The following ADORA1 variants were observed in gnomAD, a reference collection of about 807,000 sequenced individuals.
ADORA1 encodes the protein adenosine A1 receptor.
A neutral mutation model predicts 19.9 loss-of-function variants in ADORA1; 6 were observed. The observed-to-expected ratio is 0.30, with a 90% CI of 0.17 to 0.59. The LOEUF is 0.59. Ranked by LOEUF, ADORA1 falls within the 20% of genes least tolerant of loss-of-function variation. ADORA1 has a pLI of 0.87. For missense variants in ADORA1, 302 were observed against 439.2 expected, an observed-to-expected ratio of 0.69 and a Z score of 2.79; for synonymous variants, 194 against 188.4, an observed-to-expected ratio of 1.03 and a Z score of -0.24.
intron 3 of ADORA1, among the ~76,000 whole-genome samples, chr1:203,158,543 T>G (rs1243128711): frequency 6.6e-6 from 1 of 152,204 alleles, no homozygotes; most frequent in Non-Finnish European, 1.5e-5. Context: ...TTTATGGCAG[T>G]CTGGGCATTT....
At position 203,128,177 on chromosome 1, in the gene ADORA1, A is replaced by G; in HGVS notation, c.-212-101A>G. On this transcript the variant is annotated intron_variant, in intron 1 of 3. Transcript: ENST00000337894. The surrounding 1 kb of genome is among the most constrained non-coding windows in gnomAD (Gnocchi z 5.9). ...GCCTTGTCCTGGGCTCCGTCCCCAGACCCACGTCTGCCACCCCAGTCCCAG... is the reference window on the plus strand; with the variant it reads ...GCCTTGTCCTGGGCTCCGTCCCCAGGCCCACGTCTGCCACCCCAGTCCCAG... The G allele has an allele frequency of 2.1e-6, 1 of 469,792 alleles. No homozygotes were observed. Among genetic ancestry groups the G allele is most frequent in the East Asian group, 7.8e-5 (1 of 12,896 alleles). The allele number at this position is 469,792 out of a possible 1,614,324, so 29.1% of individuals were successfully genotyped here.
chr1:203,129,142 A>G lies in ADORA1; in HGVS notation c.301A>G (p.Ile101Val). Residue 101 changes from isoleucine to valine, a missense_variant, in exon 3 of 4, where the codon ATT becomes GTT. By Grantham distance (29) the Ile-to-Val change is conservative. Transcript: ENST00000337894. ...GAGCTCCATCCTGGCCCTGCTGGCA[A>G]TTGCTGTGGACCGCTACCTCCGGGT... is the stretch of plus-strand genomic sequence containing the variant. Reference protein sequence around the residue: ...TQSSILALLAIAVDRYLRVKI... With the variant: ...TQSSILALLAVAVDRYLRVKI... 2 of 1,613,882 alleles carry G rather than the reference A, an allele frequency of 1.2e-6. No individual in the cohort carries two copies. The highest frequency in any genetic ancestry group is 1.7e-6 in the Non-Finnish European group (2 of 1,179,914).
chr1:203,165,086 A>G lies in ADORA1; in HGVS notation c.342-175A>G. 6.4e-7 allele frequency: 1 copy of G among 1,550,740 alleles called. No individual in the cohort carries two copies. Among genetic ancestry groups the G allele is most frequent in the South Asian group, 1.2e-5 (1 of 84,104 alleles). The stretch of plus-strand genomic sequence containing the variant: ...TAAGCCAATGCATGGCAAGCACTAA[A>G]TCTTAGATCCTGAAGACTCAGCCCT... On this transcript the variant is annotated intron_variant, in intron 3 of 3. Coordinates refer to ENST00000337894, the MANE Select transcript of ADORA1 (RefSeq NM_000674.3). The surrounding 1 kb of genome is among the most constrained non-coding windows in gnomAD (Gnocchi z 5.9).
rs372669177 is a variant in ADORA1, at chr1:203,144,790, T to C, written c.341+15608T>C. ...GGAACAGGAGGGAGAATGGCTTCAT[T>C]GTTCAGGGGCGAGTTGGCTCTGAGT... On this transcript the variant is annotated intron_variant, in intron 3 of 3. Transcript: ENST00000337894. The C allele has an allele frequency of 3.9e-3, 597 of 152,352 alleles. 3 individuals are homozygous for C. The highest frequency in any genetic ancestry group is 0.014 in the African/African-American group (578 of 41,564). The allele number at this position is 152,352 out of a possible 1,614,324, so 9.4% of individuals were successfully genotyped here. A position where few individuals can be genotyped will look rare whatever the true frequency, so the allele number is the denominator to read the frequency against.
intron 3 of ADORA1, among the ~76,000 whole-genome samples, chr1:203,143,084 G>A (rs1654746254): frequency 6.6e-6 from 1 of 152,152 alleles, no homozygotes; most frequent in South Asian, 2.1e-4. Context: ...TTAGAATGAG[G>A]GGTGTTGTCT....
rs1002805942 is a variant in ADORA1, at chr1:203,128,815, T to G, written c.-27T>G. 3.8e-6 allele frequency: 6 copies of G among 1,564,864 alleles called. No homozygotes were observed. In the Admixed American group the frequency reaches 6.9e-5, roughly 18 times the overall value. ...TGCCTCGTGCCCCTTGGTGCCCGTCTGCTGATGTGCCCAGCCTGTGCCCGC... is the reference window on the plus strand; with the variant it reads ...TGCCTCGTGCCCCTTGGTGCCCGTCGGCTGATGTGCCCAGCCTGTGCCCGC... On this transcript the variant is annotated 5_prime_UTR_variant, in exon 3 of 4. Coordinates refer to ENST00000337894, the MANE Select transcript of ADORA1 (RefSeq NM_000674.3). This position sits in a 1 kb window ranked among gnomAD's most constrained non-coding sequence, Gnocchi z 5.9.
At chr1:203,143,376 C>T (rs1336714440) in intron 3 of ADORA1, among the ~76,000 whole-genome samples, 1 of 152,178 alleles carries the variant, frequency 6.6e-6, no homozygotes, top group Admixed American at 6.5e-5. Flanking sequence ...TCCCAAAGAC[C>T]CCACCTCCAA....
At chr1:203,133,528 T>C (rs1390028018) in intron 3 of ADORA1, among the ~76,000 whole-genome samples, 1 of 152,236 alleles carries the variant, frequency 6.6e-6, no homozygotes, top group African/African-American at 2.4e-5. Context: ...GCCTAACAGA[T>C]GCCTTTAACC....
chr1:203,161,330 C>A (rs1025751719), intron 3 of ADORA1, among the ~76,000 whole-genome samples: 1 of 152,120 alleles, frequency 6.6e-6, no homozygotes, highest in African/African-American at 2.4e-5. Context: ...CACAGGTGGG[C>A]GTGGTGGCTC....
rs202039790 is a variant in ADORA1 at position 203,128,978 on chromosome 1, G to A, written c.137G>A (p.Cys46Tyr). The change falls in exon 3 of 4, where the codon TGC becomes TAC. Residue 46 changes from cysteine to tyrosine, a missense_variant. Physicochemically the swap from Cys to Tyr is radical, Grantham distance 194. Coordinates refer to ENST00000337894, the MANE Select transcript of ADORA1 (RefSeq NM_000674.3). This position sits in a 1 kb window ranked among gnomAD's most constrained non-coding sequence, Gnocchi z 5.9. ...CAGGCGCTGCGGGATGCCACCTTCT[G>A]CTTCATCGTGTCGCTGGCGGTGGCT... ...VNQALRDATF[C>Y]FIVSLAVADV... 40 of 1,614,170 alleles carry A rather than the reference G, an allele frequency of 2.5e-5. No homozygotes were observed. The highest frequency in any genetic ancestry group is 3.3e-4 in the Middle Eastern group (2 of 6,062).
At chr1:203,164,831 T>G (rs1014899997) in intron 3 of ADORA1, among the ~76,000 whole-genome samples, 10 of 152,164 alleles carry the variant, frequency 6.6e-5, no homozygotes, top group African/African-American at 2.4e-4. Context: ...TGTGATTACT[T>G]TGAACCTCAG....
intron 3 of ADORA1, among the ~76,000 whole-genome samples, chr1:203,160,630 T>C (rs1473698399): frequency 2.0e-5 from 3 of 152,078 alleles, no homozygotes; most frequent in Non-Finnish European, 4.4e-5. Flanking sequence ...CTGGTCAACA[T>C]AGTGAGACCC....
Position 203,158,013 on chromosome 1 carries a change from T to C in ADORA1, c.342-7248T>C, listed in dbSNP as rs574724622. Among the ~76,000 whole-genome samples, 3 of 152,352 alleles carry C rather than the reference T, an allele frequency of 2.0e-5. No homozygotes were observed. In the South Asian group the frequency reaches 6.2e-4, roughly 32 times the overall value. On this transcript the variant is annotated intron_variant, in intron 3 of 3. Transcript: ENST00000337894. ...ATAGAACCTGGCTTCCTTCTATCCA[T>C]ATTATTCTCTTTAGCAAATGGTGTT...
At chr1:203,158,261 T>C (rs1472157072) in intron 3 of ADORA1, among the ~76,000 whole-genome samples, 3 of 152,230 alleles carry the variant, frequency 2.0e-5, no homozygotes, top group East Asian at 3.8e-4. Flanking sequence ...ATATCCCAGT[T>C]AGTTGCTCTA....
At chr1:203,155,052 A>G (rs28721870) in intron 3 of ADORA1, among the ~76,000 whole-genome samples, 3 of 119,138 alleles carry the variant, frequency 2.5e-5, no homozygotes, top group Non-Finnish European at 3.9e-5. Flanking sequence ...TATTATTATT[A>G]TTATTGTTAT....
chr1:203,150,749 G>A (rs1037751274), intron 3 of ADORA1: 3 of 1,289,696 alleles, frequency 2.3e-6, no homozygotes, highest in Non-Finnish European at 3.0e-6. Flanking sequence ...GAGTGTGGGG[G>A]TGGACTCTTT....
At chr1:203,137,338 T>A (rs894468780) in intron 3 of ADORA1, among the ~76,000 whole-genome samples, 1 of 151,124 alleles carries the variant, frequency 6.6e-6, no homozygotes, top group Non-Finnish European at 1.5e-5. Flanking sequence ...AGGGAGAGAG[T>A]GGTCAGAGAT....
chr1:203,144,122 AGCTGTTC>A, intron 3 of ADORA1, among the ~76,000 whole-genome samples: 1 of 146,636 alleles, frequency 6.8e-6, no homozygotes, highest in Non-Finnish European at 1.5e-5. Context: ...ACACACACAC[AGCTGTTC>A]CTTTCTCTTG....
intron 3 of ADORA1, among the ~76,000 whole-genome samples, chr1:203,140,838 G>A (rs1442528333): frequency 2.6e-5 from 4 of 152,278 alleles, no homozygotes; most frequent in African/African-American, 9.6e-5. Context: ...GTGGCTTCTG[G>A]GACATTAAGG....
Sources: gnomAD v4.1 joint callset for allele counts (sites outside exome capture counted in the v4.1 genomes callset) on GRCh38, gnomAD v4.1.1 for gene constraint, Gnocchi (gnomAD v3.1) non-coding constraint, MANE v1.5 for transcripts, NCBI Gene and HGNC (gene_info 2026-07-23, HGNC 2026-07-21) for gene names.